TBC1D5: variants seen among roughly 807,000 people sequenced by gnomAD.
TBC1D5 encodes the protein TBC1 domain family, member 5.
In TBC1D5, 75 loss-of-function variants were observed where a neutral mutation model predicts 100.3. The ratio of observed to expected loss-of-function variants is 0.75; its 90% CI spans 0.62 to 0.91. TBC1D5 has a LOEUF of 0.91. Ranked by LOEUF, TBC1D5 falls within the 40% of genes least tolerant of loss-of-function variation. The pLI is 0.00. For missense variants in TBC1D5, 910 were observed against 942.4 expected, an observed-to-expected ratio of 0.97 and a Z score of 0.45; for synonymous variants, 323 against 325.6, an observed-to-expected ratio of 0.99 and a Z score of 0.09.
At chr3:17,735,770 T>A (rs2076917338) in intron 1 of TBC1D5, among the ~76,000 whole-genome samples, 1 of 152,196 alleles carries the variant, frequency 6.6e-6, no homozygotes. Flanking sequence ...GACACCCTGC[T>A]GGATCTGGAG....
intron 4 of TBC1D5, among the ~76,000 whole-genome samples, chr3:17,408,049 T>C (rs1019344466): frequency 5.3e-5 from 8 of 152,062 alleles, no homozygotes; most frequent in African/African-American, 1.9e-4. Flanking sequence ...GTTAAGAGAA[T>C]GGACATGAGA....
chr3:17,527,294 A>C (rs2096149927), intron 2 of TBC1D5, among the ~76,000 whole-genome samples: 1 of 152,216 alleles, frequency 6.6e-6, no homozygotes, highest in African/African-American at 2.4e-5. Flanking sequence ...GGAACAAGCC[A>C]CATGATAACC....
intron 9 of TBC1D5, among the ~76,000 whole-genome samples, chr3:17,383,193 A>G (rs2093019472): frequency 6.6e-6 from 1 of 151,878 alleles, no homozygotes; most frequent in South Asian, 2.1e-4. Flanking sequence ...ATTTAAGTTC[A>G]GTGGTCCTGA....
chr3:17,609,147 T>A (rs1473746714), intron 2 of TBC1D5, among the ~76,000 whole-genome samples: 1 of 152,240 alleles, frequency 6.6e-6, no homozygotes, highest in Non-Finnish European at 1.5e-5. Flanking sequence ...TTGCTTCCAA[T>A]CCAAGATGGA....
At chr3:17,735,269 T>C (rs1044579749) in intron 1 of TBC1D5, among the ~76,000 whole-genome samples, 5 of 152,150 alleles carry the variant, frequency 3.3e-5, no homozygotes, top group African/African-American at 4.8e-5. Flanking sequence ...TGTCTAAGAA[T>C]GGAGGACTAC....
intron 15 of TBC1D5, among the ~76,000 whole-genome samples, chr3:17,272,846 A>G (rs2079568280): frequency 6.6e-6 from 1 of 152,210 alleles, no homozygotes. Flanking sequence ...AGAATGAAAA[A>G]CTGAACATAT....
chr3:17,730,041 G>A (rs1162184775), intron 1 of TBC1D5, among the ~76,000 whole-genome samples: 4 of 152,008 alleles, frequency 2.6e-5, no homozygotes, highest in Non-Finnish European at 5.9e-5. Context: ...AACCAGAGAG[G>A]CGGAGGTTGC....
At position 17,323,348 on chromosome 3, in the gene TBC1D5, C is replaced by T. The variant is rs1400678822; in HGVS notation, c.996-15214G>A. Among the ~76,000 whole-genome samples the T allele has an allele frequency of 2.6e-5, 4 of 152,104 alleles. No homozygotes were observed. In the East Asian group the frequency reaches 7.7e-4, roughly 29 times the overall value. On this transcript the variant is annotated intron_variant, in intron 13 of 21. Coordinates refer to ENST00000253692, the Ensembl canonical transcript of TBC1D5. ...CACATATTCACCATGAATATAAGCA[C>T]AAATATTCTTCACAAAATATTAGCG...
chr3:17,643,838 T>C (rs964531206), intron 1 of TBC1D5, among the ~76,000 whole-genome samples: 6 of 152,136 alleles, frequency 3.9e-5, no homozygotes, highest in Non-Finnish European at 7.4e-5. Flanking sequence ...TTGCAAGTAA[T>C]GCATCACGAT....
intron 3 of TBC1D5, among the ~76,000 whole-genome samples, chr3:17,450,967 G>A (rs564496239): frequency 6.6e-6 from 1 of 152,278 alleles, no homozygotes; most frequent in African/African-American, 2.4e-5. Flanking sequence ...AGGAAAAAAT[G>A]TTAAGGCCAG....
At chr3:17,379,389 AG>A (rs1253888519) in intron 9 of TBC1D5, among the ~76,000 whole-genome samples, 1 of 152,062 alleles carries the variant, frequency 6.6e-6, no homozygotes. Context: ...AGTTATGGCT[AG>A]TTTAATAAGA....
chr3:17,343,674 C>A (rs1032898576), intron 13 of TBC1D5, among the ~76,000 whole-genome samples: 34 of 152,152 alleles, frequency 2.2e-4, no homozygotes, highest in East Asian at 1.4e-3. Flanking sequence ...AGAGATTCAA[C>A]TTCTTCCTGG....
At chr3:17,670,704 T>C (rs2067844623) in intron 1 of TBC1D5, among the ~76,000 whole-genome samples, 1 of 152,210 alleles carries the variant, frequency 6.6e-6, no homozygotes, top group Non-Finnish European at 1.5e-5. Flanking sequence ...ATTCTTCAAG[T>C]ATTTAACAAA....
intron 3 of TBC1D5, among the ~76,000 whole-genome samples, chr3:17,478,108 T>C (rs2095459900): frequency 6.6e-6 from 1 of 152,188 alleles, no homozygotes; most frequent in African/African-American, 2.4e-5. Context: ...TCCAGAAATT[T>C]AGGAAAACGT....
intron 2 of TBC1D5, among the ~76,000 whole-genome samples, chr3:17,561,304 C>T (rs1477677649): frequency 6.6e-6 from 1 of 152,020 alleles, no homozygotes; most frequent in African/African-American, 2.4e-5. Flanking sequence ...TACTTTTTTA[C>T]ATATATACAT....
chr3:17,165,467 G>C (rs2066503985), intron 21 of TBC1D5, among the ~76,000 whole-genome samples: 1 of 152,132 alleles, frequency 6.6e-6, no homozygotes, highest in Admixed American at 6.5e-5. Flanking sequence ...AATTTGTGAA[G>C]AAACGAATGA....
intron 17 of TBC1D5, among the ~76,000 whole-genome samples, chr3:17,231,434 A>G (rs538961642): frequency 6.6e-6 from 1 of 152,186 alleles, no homozygotes; most frequent in South Asian, 2.1e-4. Flanking sequence ...GTTTTTTCTT[A>G]AAAATAAAAG....
chr3:17,253,792 G>T (rs1298530787), intron 16 of TBC1D5, among the ~76,000 whole-genome samples: 3 of 152,220 alleles, frequency 2.0e-5, no homozygotes, highest in Non-Finnish European at 2.9e-5. Flanking sequence ...TGAGATGCAT[G>T]TATGTTATTG....
At chr3:17,498,063 A>T (rs2095737014) in intron 3 of TBC1D5, among the ~76,000 whole-genome samples, 1 of 152,160 alleles carries the variant, frequency 6.6e-6, no homozygotes, top group Non-Finnish European at 1.5e-5. Flanking sequence ...CTTAAAATAA[A>T]TAACTTTCAT....
Sources: gnomAD v4.1 joint callset for allele counts (sites outside exome capture counted in the v4.1 genomes callset) on GRCh38, gnomAD v4.1.1 for gene constraint, MANE v1.5 for transcripts, NCBI Gene and HGNC (gene_info 2026-07-23, HGNC 2026-07-21) for gene names.